ANKRD29: variants seen among roughly 807,000 people sequenced by gnomAD.
ANKRD29 encodes the protein ankyrin repeat domain-containing protein 29.
A neutral mutation model predicts 38.0 loss-of-function variants in ANKRD29; 32 were observed. The ratio of observed to expected loss-of-function variants is 0.84; its 90% CI spans 0.64 to 1.13. The LOEUF (loss-of-function observed/expected upper bound fraction) is 1.13, where lower values mean the gene tolerates loss of function less well. ANKRD29 is among the 50% of genes most tolerant of loss of function. ANKRD29 has a pLI of 0.00. For synonymous variants in ANKRD29, 135 were observed against 152.4 expected (o/e 0.89, Z 0.84); for missense variants, 357 against 377.9 (o/e 0.94, Z 0.46).
chr18:23,601,560 G>A (rs1434303127), intron 9 of ANKRD29, among the ~76,000 whole-genome samples: 1 of 152,100 alleles, frequency 6.6e-6, no homozygotes, highest in Non-Finnish European at 1.5e-5. Context: ...TAGGGGGAAG[G>A]GTCCAGATCT....
At chr18:23,615,255 T>C (rs2059695943) in intron 8 of ANKRD29, among the ~76,000 whole-genome samples, 2 of 152,180 alleles carry the variant, frequency 1.3e-5, no homozygotes, top group South Asian at 2.1e-4. Flanking sequence ...GCAGTCTTCC[T>C]GCCTCAGCCT....
At chr18:23,620,314 A>G (rs890733850) in intron 6 of ANKRD29, among the ~76,000 whole-genome samples, 1 of 152,190 alleles carries the variant, frequency 6.6e-6, no homozygotes, top group Non-Finnish European at 1.5e-5. Flanking sequence ...TTACGGCAGG[A>G]CAGCATTTTG....
chr18:23,651,347 C>G (rs1274912088), intron 1 of ANKRD29, among the ~76,000 whole-genome samples: 1 of 152,172 alleles, frequency 6.6e-6, no homozygotes, highest in Non-Finnish European at 1.5e-5. Context: ...AAACTGCAAC[C>G]ATGGTTTTCA....
intron 3 of ANKRD29, 102 bp downstream of exon 3, chr18:23,646,087 G>T: frequency 1.8e-6 from 2 of 1,082,034 alleles, no homozygotes; most frequent in Non-Finnish European, 2.7e-6. Context: ...TAATGTGGGA[G>T]AAAAGCAATG....
At chr18:23,615,930 T>TAC (rs2059706340) in intron 8 of ANKRD29, among the ~76,000 whole-genome samples, 2 of 141,208 alleles carry the variant, frequency 1.4e-5, no homozygotes, top group African/African-American at 5.3e-5. Context: ...TATGTATATA[T>TAC]TATATAGTAT....
At chr18:23,633,567 T>C (rs77559382) in intron 5 of ANKRD29, among the ~76,000 whole-genome samples, 2,334 of 152,204 alleles carry the variant, frequency 0.015, 69 homozygotes, top group African/African-American at 0.054. Flanking sequence ...ATAAGATAAA[T>C]GGTTTCATTT....
intron 6 of ANKRD29, among the ~76,000 whole-genome samples, chr18:23,627,806 C>A (rs1169519760): frequency 6.6e-6 from 1 of 152,118 alleles, no homozygotes; most frequent in Non-Finnish European, 1.5e-5. Context: ...ATTCCTTTTA[C>A]TAATTTTAGT....
intron 9 of ANKRD29, among the ~76,000 whole-genome samples, chr18:23,608,450 G>T (rs375733928): frequency 1.3e-5 from 2 of 152,294 alleles, no homozygotes; most frequent in East Asian, 3.9e-4. Flanking sequence ...AGGGTCCAAA[G>T]TCTAGCATTC....
chr18:23,612,184 TCC>T lies in ANKRD29; in HGVS notation c.728_729del (p.Gly243AspfsTer14). 1 of 1,613,282 alleles carries T rather than the reference TCC, an allele frequency of 6.2e-7. No individual in the cohort carries two copies. Among genetic ancestry groups the T allele is most frequent in the South Asian group, 1.1e-5 (1 of 90,940 alleles). ...FSPTLGILKN[G>X]TSALHAAVLS... ...AGCACTGCTGCATGGAGCGCTGATG[TCC>T]CATTCTAAGAGAAAATGACAGTGTG... On this transcript the variant is annotated frameshift_variant, in exon 9 of 10. Transcript: ENST00000592179. LOFTEE classifies it high-confidence loss of function.
Position 23,638,961 on chromosome 18 carries a change from A to G in ANKRD29, c.232-14T>C. 1 of 1,570,704 alleles carries G rather than the reference A, an allele frequency of 6.4e-7. No homozygotes were observed. Among genetic ancestry groups the G allele is most frequent in the Admixed American group, 1.9e-5 (1 of 51,920 alleles). The stretch of plus-strand genomic sequence containing the variant: ...AGTTGTACCTGACTGGGAGAGAGGG[A>G]GAGGCTAGTTTTAAAAGACATTTGG... On this transcript the variant is annotated splice_polypyrimidine_tract_variant and intron_variant, in intron 3 of 9. Coordinates refer to ENST00000592179, the MANE Select transcript of ANKRD29 (RefSeq NM_173505.4).
intron 9 of ANKRD29, among the ~76,000 whole-genome samples, chr18:23,610,225 C>T (rs1257506186): frequency 1.3e-5 from 2 of 152,190 alleles, no homozygotes; most frequent in East Asian, 3.8e-4. Flanking sequence ...CGCCTGTAAT[C>T]CCAGCACTTT....
intron 3 of ANKRD29, 131 bp downstream of exon 3, chr18:23,646,058 T>C: frequency 2.5e-6 from 2 of 806,898 alleles, no homozygotes; most frequent in Non-Finnish European, 2.0e-6. Flanking sequence ...GTAGGCACAA[T>C]AAACTCTGCA....
chr18:23,609,361 A>G (rs1462725914), intron 9 of ANKRD29: 1 of 152,142 alleles, frequency 6.6e-6, no homozygotes, highest in Non-Finnish European at 1.5e-5. Context: ...CTGACCAATC[A>G]GCACTCCCTA....
At chr18:23,659,842 G>A (rs1415623927) in intron 1 of ANKRD29, among the ~76,000 whole-genome samples, 1 of 152,056 alleles carries the variant, frequency 6.6e-6, no homozygotes, top group Non-Finnish European at 1.5e-5. Context: ...CAGGCGCGGT[G>A]GCCCACGCCT....
At chr18:23,610,368 T>C (rs991389238) in intron 9 of ANKRD29, among the ~76,000 whole-genome samples, 1 of 152,128 alleles carries the variant, frequency 6.6e-6, no homozygotes, top group Non-Finnish European at 1.5e-5. Context: ...GTTCCAGCTA[T>C]TGGGCAGGCT....
At chr18:23,602,788 A>C (rs1371917137) in intron 9 of ANKRD29, among the ~76,000 whole-genome samples, 2 of 152,000 alleles carry the variant, frequency 1.3e-5, no homozygotes, top group African/African-American at 4.8e-5. Context: ...CAAAAAGAAA[A>C]AAAAAAGAAA....
chr18:23,617,229 C>G (rs1008244728), intron 8 of ANKRD29, among the ~76,000 whole-genome samples: 1 of 152,176 alleles, frequency 6.6e-6, no homozygotes, highest in South Asian at 2.1e-4. Context: ...AAAAGCAAAA[C>G]AAAACAAAAC....
intron 2 of ANKRD29, chr18:23,648,730 C>A: frequency 2.5e-6 from 1 of 401,910 alleles, no homozygotes; most frequent in Admixed American, 4.4e-5. Flanking sequence ...TCCATGGCAG[C>A]CCACTTGTGC....
chr18:23,662,761 G>A lies in ANKRD29; in HGVS notation c.-31C>T. 7.6e-6 allele frequency: 11 copies of A among 1,455,510 alleles called. No homozygotes were observed. Among genetic ancestry groups the A allele is most frequent in the Non-Finnish European group, 9.9e-6 (11 of 1,107,160 alleles). The allele number at this position is 1,455,510 out of a possible 1,614,324, so 90.2% of individuals were successfully genotyped here. A position where few individuals can be genotyped will look rare whatever the true frequency, so the allele number is the denominator to read the frequency against. ...CGGCCGCCCGAGCGGGAGCCGGCGC[G>A]CTTTGGGCCCGGGGCGCCTTGTCCT... is the stretch of plus-strand genomic sequence containing the variant. On this transcript the variant is annotated 5_prime_UTR_variant, in exon 1 of 10. Coordinates refer to ENST00000592179, the MANE Select transcript of ANKRD29 (RefSeq NM_173505.4).
Sources: allele counts gnomAD v4.1 joint callset (sites outside exome capture counted in the v4.1 genomes callset), GRCh38; gene constraint gnomAD v4.1.1; transcripts MANE v1.5; gene names NCBI Gene and HGNC (gene_info 2026-07-23, HGNC 2026-07-21).